The following DNAH14 variants were observed in gnomAD, a reference collection of about 807,000 sequenced individuals.
The protein encoded by DNAH14 is axonemal beta dynein heavy chain 14.
A neutral mutation model predicts 520.9 loss-of-function variants in DNAH14; 478 were observed. The observed-to-expected ratio is 0.92, with a 90% confidence interval of 0.85 to 0.99. The LOEUF (loss-of-function observed/expected upper bound fraction) is 0.99. Among genes scored for constraint, DNAH14 ranks in the 50% least tolerant of loss-of-function variants. The pLI, the probability that DNAH14 is intolerant of heterozygous loss-of-function variation, is 0.00. For missense variants in DNAH14, 4,831 were observed against 5,234.5 expected, an observed-to-expected ratio of 0.92 and a Z score of 2.38; for synonymous variants, 1,581 against 1,757.2, an observed-to-expected ratio of 0.90 and a Z score of 2.51.
chr1:225,377,908 A>G (rs1341203264), intron 79 of DNAH14, among the ~76,000 whole-genome samples: 1 of 152,172 alleles, frequency 6.6e-6, no homozygotes, highest in African/African-American at 2.4e-5. Flanking sequence ...TTTGTCTTCC[A>G]GACCTTCTCA....
At chr1:225,268,998 C>CA (rs2093221416) in intron 49 of DNAH14, among the ~76,000 whole-genome samples, 2 of 152,016 alleles carry the variant, frequency 1.3e-5, no homozygotes, top group Admixed American at 6.6e-5. Context: ...CATATGGAAC[C>CA]AAAAAAGAGC....
intron 65 of DNAH14, among the ~76,000 whole-genome samples, chr1:225,332,980 G>A (rs572357736): frequency 6.6e-6 from 1 of 152,206 alleles, no homozygotes; most frequent in Non-Finnish European, 1.5e-5. Flanking sequence ...CTCCAGCCTA[G>A]GCTACTAAGA....
intron 27 of DNAH14, 54 bp from the exon 28 acceptor site, chr1:225,140,712 TTC>T (rs2079367643): frequency 3.2e-6 from 4 of 1,247,414 alleles, no homozygotes; most frequent in Non-Finnish European, 4.4e-6. Context: ...AAATTTATGC[TTC>T]AATTATATAT....
chr1:225,244,089 A>G (rs2092131150), intron 43 of DNAH14, among the ~76,000 whole-genome samples: 1 of 152,102 alleles, frequency 6.6e-6, no homozygotes, highest in Non-Finnish European at 1.5e-5. Flanking sequence ...CCTTTTCTGC[A>G]TCTATTGAGA....
At chr1:225,101,686 G>A (rs996782475) in intron 23 of DNAH14, among the ~76,000 whole-genome samples, 1 of 152,056 alleles carries the variant, frequency 6.6e-6, no homozygotes, top group African/African-American at 2.4e-5. Flanking sequence ...CAGATGACAA[G>A]ATCTCATTCT....
At position 225,147,161 on chromosome 1, in the gene DNAH14, G is replaced by T. The variant is rs866413222; in HGVS notation, c.4852G>T (p.Glu1618Ter). The change falls in exon 31 of 86, where the codon GAA becomes TAA. Residue 1618 changes from glutamate to a stop codon, truncating the protein, a stop_gained. Coordinates refer to ENST00000682510, the MANE Select transcript of DNAH14 (RefSeq NM_001367479.1). LOFTEE classifies it high-confidence loss of function. ...GTCAGGAGCATGGAGTTGTTTTGATGAATTCAATCTAATTGATTTGGAAGT... is the reference window on the plus strand; with the variant it reads ...GTCAGGAGCATGGAGTTGTTTTGATTAATTCAATCTAATTGATTTGGAAGT... ...VQSGAWSCFD[E>*]FNLIDLEVLS... 1 of 1,550,202 alleles carries T rather than the reference G, an allele frequency of 6.5e-7. No individual in the cohort carries two copies. Among genetic ancestry groups the T allele is most frequent in the Non-Finnish European group, 8.7e-7 (1 of 1,146,430 alleles).
chr1:225,018,727 C>T (rs554095500), intron 10 of DNAH14, among the ~76,000 whole-genome samples: 1 of 152,260 alleles, frequency 6.6e-6, no homozygotes, highest in South Asian at 2.1e-4. Context: ...TACAAGTCTA[C>T]AGAGATTAGA....
chr1:225,374,582 G>A (rs1031778150), intron 77 of DNAH14, 106 bp from the exon 78 acceptor site: 6 of 1,060,388 alleles, frequency 5.7e-6, no homozygotes, highest in Non-Finnish European at 7.9e-6. Context: ...ATTTTTTAAA[G>A]AGAAAATATA....
At chr1:225,079,750 T>C (rs2072888565) in intron 18 of DNAH14, among the ~76,000 whole-genome samples, 2 of 143,082 alleles carry the variant, frequency 1.4e-5, no homozygotes, top group Admixed American at 1.5e-4. Flanking sequence ...CTCGGCTCAC[T>C]GCAAGCTCCG....
chr1:225,169,546 ATGAAG>A (rs1214819044), intron 36 of DNAH14, among the ~76,000 whole-genome samples: 9 of 151,778 alleles, frequency 5.9e-5, no homozygotes, highest in African/African-American at 1.7e-4. Context: ...AAGGTTATAA[ATGAAG>A]TGAGAAGAGA....
intron 1 of DNAH14, among the ~76,000 whole-genome samples, chr1:224,948,307 A>C (rs1486782329): frequency 6.6e-6 from 1 of 151,780 alleles, no homozygotes; most frequent in Non-Finnish European, 1.5e-5. Flanking sequence ...CAAAATGAAA[A>C]TTTAGTCACT....
chr1:225,344,691 T>TTTTATTTATTTA (rs10605144), intron 69 of DNAH14, among the ~76,000 whole-genome samples: 142 of 143,144 alleles, frequency 9.9e-4, no homozygotes, highest in South Asian at 2.5e-3. Context: ...CTAGCCATTC[T>TTTTATTTATTTA]TTTATTTATT....
chr1:225,242,368 A>C (rs1370386081), intron 43 of DNAH14, among the ~76,000 whole-genome samples: 3 of 152,098 alleles, frequency 2.0e-5, no homozygotes, highest in African/African-American at 7.2e-5. Flanking sequence ...ATTGTGTAAA[A>C]ATATTTTCTT....
At chr1:225,260,642 T>A (rs950061987) in intron 46 of DNAH14, among the ~76,000 whole-genome samples, 1 of 152,166 alleles carries the variant, frequency 6.6e-6, no homozygotes, top group Admixed American at 6.5e-5. Flanking sequence ...CTTTGGCTAT[T>A]CGGGATCTTT....
intron 8 of DNAH14, among the ~76,000 whole-genome samples, chr1:224,985,898 A>C (rs2062601468): frequency 2.0e-5 from 3 of 152,062 alleles, no homozygotes; most frequent in Admixed American, 6.6e-5. Context: ...GCATGCCTAC[A>C]AGATCTAGAA....
intron 49 of DNAH14, among the ~76,000 whole-genome samples, chr1:225,270,328 G>T (rs1383485151): frequency 7.3e-6 from 1 of 137,006 alleles, no homozygotes; most frequent in African/African-American, 2.7e-5. Flanking sequence ...GTTGTGGGGT[G>T]GGGGGAGGGG....
At chr1:225,321,147 T>G (rs1032937658) in intron 61 of DNAH14, among the ~76,000 whole-genome samples, 4 of 152,194 alleles carry the variant, frequency 2.6e-5, no homozygotes, top group African/African-American at 4.8e-5. Context: ...AAAGTGCTAA[T>G]GATTGAGCTA....
chr1:225,243,282 A>G (rs567221654), intron 43 of DNAH14, among the ~76,000 whole-genome samples: 59 of 152,304 alleles, frequency 3.9e-4, no homozygotes, highest in African/African-American at 1.4e-3. Context: ...AAATATCAGT[A>G]TAAAACTAGG....
intron 66 of DNAH14, among the ~76,000 whole-genome samples, chr1:225,334,350 A>G (rs1322265841): frequency 6.6e-6 from 1 of 152,176 alleles, no homozygotes; most frequent in Non-Finnish European, 1.5e-5. Context: ...ATTACTGAGC[A>G]TGATGCTACA....
Sources: gnomAD v4.1 joint callset for allele counts (sites outside exome capture counted in the v4.1 genomes callset) on GRCh38, gnomAD v4.1.1 for gene constraint, MANE v1.5 for transcripts, NCBI Gene and HGNC (gene_info 2026-07-23, HGNC 2026-07-21) for gene names.